KIAA1549L: variants seen among roughly 807,000 people sequenced by gnomAD.
KIAA1549L encodes the protein KIAA1549 like.
KIAA1549L carries 88 observed loss-of-function variants against 160.7 expected under a neutral mutation model. The observed-to-expected ratio is 0.55, with a 90% CI of 0.46 to 0.65. KIAA1549L has a LOEUF of 0.65. Among genes scored for constraint, KIAA1549L ranks in the 30% least tolerant of loss-of-function variants. The probability of loss-of-function intolerance (pLI) is 0.00; values close to 1 mark genes in which losing one functional copy is unlikely to be tolerated. For missense variants in KIAA1549L, 2,258 were observed against 2,437.5 expected, an observed-to-expected ratio of 0.93 and a Z score of 1.55; for synonymous variants, 950 against 976.7, an observed-to-expected ratio of 0.97 and a Z score of 0.51.
chr11:33,390,925 G>A (rs1424135403), intron 1 of KIAA1549L, among the ~76,000 whole-genome samples: 2 of 152,170 alleles, frequency 1.3e-5, no homozygotes, highest in African/African-American at 2.4e-5. Context: ...GCACACCAAT[G>A]CTCCTATCCA....
intron 1 of KIAA1549L, among the ~76,000 whole-genome samples, chr11:33,408,407 A>G (rs899851159): frequency 1.3e-5 from 2 of 151,632 alleles, no homozygotes; most frequent in African/African-American, 4.9e-5. Context: ...GTGATATCTA[A>G]TATCTAATAT....
chr11:33,530,983 A>G lies in KIAA1549L; in HGVS notation c.239-10819A>G, dbSNP rs150340698. Among the ~76,000 whole-genome samples, 8 of 152,344 alleles carry G rather than the reference A, an allele frequency of 5.3e-5. No homozygotes were observed. The East Asian group carries it at 1.5e-3, about 29-fold the overall frequency. On this transcript the variant is annotated intron_variant, in intron 1 of 20. Coordinates refer to ENST00000658780, the MANE Select transcript of KIAA1549L (RefSeq NM_012194.3). ...AAACCAAAGCTTTTCCAAGAACATC[A>G]TCTGGAAATAAAATTTACCACAGTA... is the stretch of plus-strand genomic sequence containing the variant.
chr11:33,602,582 A>T (rs1850393064), intron 13 of KIAA1549L, among the ~76,000 whole-genome samples: 1 of 152,256 alleles, frequency 6.6e-6, no homozygotes, highest in South Asian at 2.1e-4. Flanking sequence ...TACTGAAATT[A>T]AAAACAACAG....
In KIAA1549L at chr11:33,580,587, A is replaced by AAG. The variant is rs1554994224; in HGVS notation, c.4403-2750_4403-2749insGA. 6.0e-3 allele frequency among the ~76,000 whole-genome samples: 768 copies of AAG among 127,440 alleles called. 7 individuals carry two copies. Among genetic ancestry groups the AAG allele is most frequent in the African/African-American group, 0.026 (678 of 25,720 alleles). The allele number at this position is 127,440 out of a possible 152,430, so 83.6% of individuals were successfully genotyped here. A position where few individuals can be genotyped will look rare whatever the true frequency, so the allele number is the denominator to read the frequency against. Reference sequence around the variant, plus strand: ...ATTCTGCCTCAAAAAAAAAAAAAAAAAAAAGAAAAGAAAAGAAAAAAAAAG... The same window carrying AAG: ...ATTCTGCCTCAAAAAAAAAAAAAAAAAGAAAAGAAAAGAAAAGAAAAAAAAAG... On this transcript the variant is annotated intron_variant, in intron 10 of 20. Coordinates refer to ENST00000658780, the MANE Select transcript of KIAA1549L (RefSeq NM_012194.3).
At chr11:33,636,442 G>A (rs956738797) in intron 16 of KIAA1549L, among the ~76,000 whole-genome samples, 2 of 148,088 alleles carry the variant, frequency 1.4e-5, no homozygotes, top group Non-Finnish European at 3.0e-5. Context: ...TCCACCTCCT[G>A]GGTTCAGCCT....
Position 33,537,963 on chromosome 11 carries a change from A to C in KIAA1549L, c.239-3839A>C, listed in dbSNP as rs116477272. Among the ~76,000 whole-genome samples, 174 of 152,320 alleles carry C rather than the reference A, an allele frequency of 1.1e-3. 2 individuals carry two copies. Among genetic ancestry groups the C allele is most frequent in the African/African-American group, 4.0e-3 (168 of 41,578 alleles). On this transcript the variant is annotated intron_variant, in intron 1 of 20. Transcript: ENST00000658780. ...TTTGGAATGATATGTGTATTAGTCC[A>C]TTTTCATGCTGCTGTAAAGACATAC...
chr11:33,406,896 CCCT>C (rs1425769995), intron 1 of KIAA1549L, among the ~76,000 whole-genome samples: 7 of 152,172 alleles, frequency 4.6e-5, no homozygotes, highest in Non-Finnish European at 8.8e-5. Context: ...TTGGCTCCAG[CCCT>C]CCTGTTGCCT....
chr11:33,500,069 G>A (rs752477865), intron 1 of KIAA1549L, among the ~76,000 whole-genome samples: 1 of 152,100 alleles, frequency 6.6e-6, no homozygotes, highest in Non-Finnish European at 1.5e-5. Flanking sequence ...TTAGTGTTCT[G>A]TTGCCTTCTA....
intron 16 of KIAA1549L, among the ~76,000 whole-genome samples, chr11:33,632,719 CT>C (rs1851330666): frequency 6.6e-6 from 1 of 152,106 alleles, no homozygotes; most frequent in African/African-American, 2.4e-5. Flanking sequence ...GCTAGAACTA[CT>C]ACTACCATAC....
At chr11:33,482,053 T>C (rs146758866) in intron 1 of KIAA1549L, among the ~76,000 whole-genome samples, 1 of 152,372 alleles carries the variant, frequency 6.6e-6, no homozygotes, top group Non-Finnish European at 1.5e-5. Context: ...CTAAGTCATG[T>C]GTGTCTTAAG....
chr11:33,556,850 AAAATGGTTAAATTTTAT>A (rs1854665531), intron 6 of KIAA1549L, among the ~76,000 whole-genome samples: 1 of 152,230 alleles, frequency 6.6e-6, no homozygotes, highest in South Asian at 2.1e-4. Flanking sequence ...CGATACACTT[AAAATGGTTAAATTTTAT>A]ATGTGTGTTT....
rs536781243 is a variant in KIAA1549L, at chr11:33,542,359, C to A, written c.796C>A (p.Gln266Lys). 2.3e-4 allele frequency: 206 copies of A among 908,700 alleles called. 1 individual carries two copies. In the African/African-American group the frequency reaches 3.3e-3, roughly 14 times the overall value. 56.3% of individuals were successfully genotyped at this position (908,700 alleles called of 1,614,324 possible). Reference protein sequence around the residue: ...PHSIISEPAEQSPKVLLVPQT... With the variant: ...PHSIISEPAEKSPKVLLVPQT... ...TTCCATCATCTCTGAGCCAGCAGAG[C>A]AATCCCCCAAAGTGCTGTTAGTTCC... Residue 266 changes from glutamine to lysine, a missense_variant, in exon 2 of 21, where the codon CAA becomes AAA. Gln to Lys is a moderately conservative substitution (Grantham distance 53). Around this residue, in one of 6 missense-constraint regions of KIAA1549L, gnomAD observed 540 missense variants for 465.7 expected, o/e 1.16. Coordinates refer to ENST00000658780, the MANE Select transcript of KIAA1549L (RefSeq NM_012194.3).
At chr11:33,413,224 C>T (rs1850818162) in intron 1 of KIAA1549L, among the ~76,000 whole-genome samples, 1 of 151,756 alleles carries the variant, frequency 6.6e-6, no homozygotes, top group Admixed American at 6.6e-5. Context: ...GCTTTGTTTA[C>T]CCTAGAACTT....
intron 1 of KIAA1549L, among the ~76,000 whole-genome samples, chr11:33,502,565 C>T (rs541070369): frequency 1.3e-5 from 2 of 152,290 alleles, no homozygotes; most frequent in East Asian, 3.9e-4. Context: ...TTTAAAATAT[C>T]AAACACAAGA....
chr11:33,619,208 G>A (rs1309395542), intron 16 of KIAA1549L, among the ~76,000 whole-genome samples: 1 of 152,116 alleles, frequency 6.6e-6, no homozygotes, highest in Non-Finnish European at 1.5e-5. Flanking sequence ...CCCAGATGAG[G>A]AGTTGCAATT....
intron 1 of KIAA1549L, among the ~76,000 whole-genome samples, chr11:33,521,107 GCTGCAGTGAACTATGATCTCGCCA>G (rs1207919854): frequency 1.3e-5 from 2 of 152,138 alleles, no homozygotes; most frequent in African/African-American, 2.4e-5. Flanking sequence ...TGACTTCCAG[GCTGCAGTGAACTATGATCTCGCCA>G]CTGCACGCCA....
In KIAA1549L at chr11:33,673,464, A is replaced by G. The variant is rs1852719135; in HGVS notation, c.*5310A>G. On this transcript the variant is annotated 3_prime_UTR_variant, in exon 21 of 21. Coordinates refer to ENST00000658780, the MANE Select transcript of KIAA1549L (RefSeq NM_012194.3). ...TTGTATCAAACAGAATCAGAGGCATATGAATGGACTGGAAATTGTGAAAAA... is the reference window on the plus strand; with the variant it reads ...TTGTATCAAACAGAATCAGAGGCATGTGAATGGACTGGAAATTGTGAAAAA... 6.6e-6 allele frequency: 1 copy of G among 152,198 alleles called. No homozygotes were observed. The highest frequency in any genetic ancestry group is 1.9e-4 in the East Asian group (1 of 5,190). The allele number at this position is 152,198 out of a possible 1,614,324, so 9.4% of individuals were successfully genotyped here.
At position 33,541,854 on chromosome 11, in the gene KIAA1549L, C is replaced by G; in HGVS notation, c.291C>G (p.Pro97=). ...CCCGGACTCCAGAGTCATTTCCTCCCGGGAAATTGTTACCAATTTCACCAA... is the reference window on the plus strand; with the variant it reads ...CCCGGACTCCAGAGTCATTTCCTCCGGGGAAATTGTTACCAATTTCACCAA... ...NVTRTPESFP[P]GKLLPISPTW... is the part of the protein sequence containing the mutation. The change falls in exon 2 of 21, where the codon CCC becomes CCG. Residue 97 remains proline (P), a synonymous_variant. Transcript: ENST00000658780. 3.6e-6 allele frequency: 1 copy of G among 280,058 alleles called. No individual in the cohort carries two copies. Among genetic ancestry groups the G allele is most frequent in the Non-Finnish European group, 7.4e-6 (1 of 135,600 alleles). The allele number at this position is 280,058 out of a possible 1,614,324, so 17.3% of individuals were successfully genotyped here.
intron 1 of KIAA1549L, among the ~76,000 whole-genome samples, chr11:33,417,573 T>C (rs1350957427): frequency 6.6e-6 from 1 of 152,176 alleles, no homozygotes; most frequent in African/African-American, 2.4e-5. Context: ...TCTGGCCTCC[T>C]TGCAGGGGCT....
Sources: allele counts gnomAD v4.1 joint callset (sites outside exome capture counted in the v4.1 genomes callset), GRCh38; gene constraint gnomAD v4.1.1; regional missense constraint gnomAD v4.1.1; transcripts MANE v1.5; gene names NCBI Gene and HGNC (gene_info 2026-07-23, HGNC 2026-07-21).